Variants in SPIDR observed in about 807,000 individuals in gnomAD.
SPIDR encodes scaffold protein involved in DNA repair.
SPIDR carries 93 observed loss-of-function variants against 104.6 expected under a neutral mutation model. That is an observed-to-expected ratio of 0.89 (90% CI 0.75 to 1.06). SPIDR has a LOEUF of 1.06. SPIDR is among the 50% of genes least tolerant of loss of function. SPIDR has a pLI of 0.00. For missense variants in SPIDR, 1,154 were observed against 1,111.2 expected (o/e 1.04, Z -0.55); for synonymous variants, 431 against 416.9 (o/e 1.03, Z -0.41).
At chr8:47,573,485 A>AC (rs921704360) in intron 8 of SPIDR, among the ~76,000 whole-genome samples, 5 of 151,954 alleles carry the variant, frequency 3.3e-5, no homozygotes, top group Admixed American at 6.6e-5. Context: ...CCTGCAAGAT[A>AC]CCCCCCTGCT....
chr8:47,731,254 GAAA>G (rs780100344), intron 19 of SPIDR, among the ~76,000 whole-genome samples: 2 of 131,288 alleles, frequency 1.5e-5, no homozygotes, highest in Non-Finnish European at 1.6e-5. Context: ...CTCCGTCTCA[GAAA>G]AAAAAAAAAA....
At chr8:47,721,350 T>C (rs753849840) in intron 16 of SPIDR, among the ~76,000 whole-genome samples, 4 of 152,216 alleles carry the variant, frequency 2.6e-5, no homozygotes, top group Non-Finnish European at 5.9e-5. Flanking sequence ...TTGAAAAGAC[T>C]GTTCTTTCTC....
Position 47,545,103 on chromosome 8 carries a change from CTTTCTTTCTTTCTTTCT to C in SPIDR, c.1098-50704_1098-50688del, listed in dbSNP as rs1564286684. Among the ~76,000 whole-genome samples the C allele has an allele frequency of 3.0e-5, 4 of 132,978 alleles. 1 individual carries two copies. Among genetic ancestry groups the C allele is most frequent in the Admixed American group, 8.3e-5 (1 of 12,082 alleles). 87.2% of individuals were successfully genotyped at this position (132,978 alleles called of 152,430 possible). Reference sequence around the variant, plus strand: ...TCTTTCTTTCTTTCTTTCTTTCTTTCTTTCTTTCTTTCTTTCTTTTTTTTTTTTTTTTGTTGAAACGG... The same window carrying C: ...TCTTTCTTTCTTTCTTTCTTTCTTTCTTTTTTTTTTTTTTTGTTGAAACGG... On this transcript the variant is annotated intron_variant, in intron 8 of 19. Coordinates refer to ENST00000297423, the MANE Select transcript of SPIDR (RefSeq NM_001080394.4).
intron 8 of SPIDR, among the ~76,000 whole-genome samples, chr8:47,523,972 T>C (rs775606993): frequency 6.6e-5 from 10 of 152,126 alleles, no homozygotes; most frequent in Non-Finnish European, 1.2e-4. Flanking sequence ...CAATGACAGA[T>C]TAAGTGTCCT....
rs768002878 is a variant in SPIDR, at chr8:47,565,992, A to ATTTTT, written c.1098-29793_1098-29789dup. Among the ~76,000 whole-genome samples, 36 of 14,950 alleles carry ATTTTT rather than the reference A, an allele frequency of 2.4e-3. 4 individuals are homozygous for ATTTTT. The highest frequency in any genetic ancestry group is 4.5e-3 in the South Asian group (1 of 220). The allele number at this position is 14,950 out of a possible 152,430, so 9.8% of individuals were successfully genotyped here. ...TACTCATATATATATATATATATAT[A>ATTTTT]TTTTTTTTTTTTTTTTTTTTTTTTT... On this transcript the variant is annotated intron_variant, in intron 8 of 19. Coordinates refer to ENST00000297423, the MANE Select transcript of SPIDR (RefSeq NM_001080394.4).
In SPIDR at chr8:47,395,949, C is replaced by G. The variant is rs1230581085; in HGVS notation, c.526-427C>G. Reference sequence around the variant, plus strand: ...TTTTGGCAAATTAAATGATTTATACCTGAAGAGACAATTTAGCTTCATGTT... The same window carrying G: ...TTTTGGCAAATTAAATGATTTATACGTGAAGAGACAATTTAGCTTCATGTT... On this transcript the variant is annotated intron_variant, in intron 5 of 19. Coordinates refer to ENST00000297423, the MANE Select transcript of SPIDR (RefSeq NM_001080394.4). Among the ~76,000 whole-genome samples the G allele has an allele frequency of 3.3e-5, 5 of 152,108 alleles. 1 individual carries two copies. The highest frequency in any genetic ancestry group is 1.2e-4 in the African/African-American group (5 of 41,418).
intron 10 of SPIDR, among the ~76,000 whole-genome samples, chr8:47,621,206 T>G (rs1001896407): frequency 3.3e-5 from 5 of 151,556 alleles, no homozygotes; most frequent in African/African-American, 1.2e-4. Context: ...CCGCCCACCT[T>G]GGCCTCCCAA....
At chr8:47,379,467 T>C (rs1289366829) in intron 5 of SPIDR, among the ~76,000 whole-genome samples, 1 of 152,044 alleles carries the variant, frequency 6.6e-6, no homozygotes, top group Non-Finnish European at 1.5e-5. Context: ...GAGGCGGAGG[T>C]TGTAGTGAGC....
intron 8 of SPIDR, among the ~76,000 whole-genome samples, chr8:47,531,861 A>G (rs1337939668): frequency 3.3e-5 from 5 of 152,216 alleles, no homozygotes; most frequent in Non-Finnish European, 7.3e-5. Flanking sequence ...AAAAATTATT[A>G]CATTAAGAGA....
intron 8 of SPIDR, among the ~76,000 whole-genome samples, chr8:47,450,793 A>G (rs2071575123): frequency 6.6e-6 from 1 of 152,198 alleles, no homozygotes; most frequent in Non-Finnish European, 1.5e-5. Flanking sequence ...CGAAATAACT[A>G]CCAACCTGGA....
chr8:47,733,990 C>T (rs575417047), intron 19 of SPIDR, among the ~76,000 whole-genome samples: 4 of 152,168 alleles, frequency 2.6e-5, no homozygotes, highest in South Asian at 4.2e-4. Flanking sequence ...AGTCCCCCCA[C>T]GAGTTGGCGT....
chr8:47,552,202 A>C (rs1030523377), intron 8 of SPIDR, among the ~76,000 whole-genome samples: 1 of 152,176 alleles, frequency 6.6e-6, no homozygotes, highest in Non-Finnish European at 1.5e-5. Flanking sequence ...TATGTGGTCA[A>C]TTTTGGAATA....
intron 8 of SPIDR, among the ~76,000 whole-genome samples, chr8:47,567,376 C>T (rs2058001140): frequency 6.6e-6 from 1 of 151,946 alleles, no homozygotes; most frequent in African/African-American, 2.4e-5. Flanking sequence ...TGCGCCACCA[C>T]GCCCGGCTAA....
At chr8:47,516,175 A>G (rs1015255113) in intron 8 of SPIDR, among the ~76,000 whole-genome samples, 2 of 152,172 alleles carry the variant, frequency 1.3e-5, no homozygotes, top group Non-Finnish European at 2.9e-5. Context: ...GTCTGGGCTC[A>G]AGTAGTTAGT....
chr8:47,492,919 T>G (rs1202613719), intron 8 of SPIDR, among the ~76,000 whole-genome samples: 4 of 152,158 alleles, frequency 2.6e-5, no homozygotes, highest in Non-Finnish European at 4.4e-5. Context: ...CTGGAGTATC[T>G]TGACTGTTCA....
In SPIDR at chr8:47,552,330, T is replaced by A. The variant is rs189032920; in HGVS notation, c.1098-43481T>A. Among the ~76,000 whole-genome samples, 14 of 152,234 alleles carry A rather than the reference T, an allele frequency of 9.2e-5. No homozygotes were observed. In the East Asian group the frequency reaches 1.4e-3, roughly 15 times the overall value. ...AGTTCAAGACCTGGATATCCTTGTT[T>A]ACTTTCTGTCACGTTGATCTGTCTA... On this transcript the variant is annotated intron_variant, in intron 8 of 19. Coordinates refer to ENST00000297423, the MANE Select transcript of SPIDR (RefSeq NM_001080394.4).
chr8:47,698,812 G>C (rs1036390614), intron 11 of SPIDR, among the ~76,000 whole-genome samples: 1 of 152,176 alleles, frequency 6.6e-6, no homozygotes, highest in African/African-American at 2.4e-5. Context: ...TTTTACACGG[G>C]GCTCTCTAGG....
chr8:47,513,027 C>G (rs1586940992), intron 8 of SPIDR, among the ~76,000 whole-genome samples: 1 of 152,202 alleles, frequency 6.6e-6, no homozygotes, highest in Non-Finnish European at 1.5e-5. Context: ...AGTTAATCTA[C>G]AGGCTGTTTT....
Position 47,560,550 on chromosome 8 carries a change from T to C in SPIDR, c.1098-35261T>C, listed in dbSNP as rs562413345. Among the ~76,000 whole-genome samples, 3 of 152,328 alleles carry C rather than the reference T, an allele frequency of 2.0e-5. No homozygotes were observed. In the East Asian group the frequency reaches 5.8e-4, roughly 29 times the overall value. On this transcript the variant is annotated intron_variant, in intron 8 of 19. Transcript: ENST00000297423. ...CTCCACCAGAATCTCCTGGGTTTGC[T>C]CAGGTACAAAAGTTCCAGAAACCCA... is the stretch of plus-strand genomic sequence containing the variant.
Sources: allele counts gnomAD v4.1 joint callset (sites outside exome capture counted in the v4.1 genomes callset), GRCh38; gene constraint gnomAD v4.1.1; transcripts MANE v1.5; gene names NCBI Gene and HGNC (gene_info 2026-07-23, HGNC 2026-07-21).